Variants in FHIT observed in about 807,000 individuals in gnomAD.
The protein encoded by FHIT is fragile histidine triad diadenosine triphosphatase.
A neutral mutation model predicts 17.9 loss-of-function variants in FHIT; 19 were observed. The ratio of observed to expected loss-of-function variants is 1.06; its 90% CI spans 0.74 to 1.56. FHIT has a LOEUF of 1.56. Ranked by LOEUF, FHIT falls within the 40% of genes most tolerant of loss-of-function variation. The pLI is 0.00. For synonymous variants in FHIT, 81 were observed against 69.7 expected (o/e 1.16, Z -0.81); for missense variants, 248 against 189.2 (o/e 1.31, Z -1.82).
At chr3:59,825,825 T>C (rs1186187030) in intron 8 of FHIT, among the ~76,000 whole-genome samples, 1 of 152,208 alleles carries the variant, frequency 6.6e-6, no homozygotes, top group African/African-American at 2.4e-5. Context: ...ACAGGCCATC[T>C]GAATTCACTG....
intron 7 of FHIT, among the ~76,000 whole-genome samples, chr3:59,991,537 G>A (rs967146904): frequency 6.6e-6 from 1 of 151,972 alleles, no homozygotes; most frequent in African/African-American, 2.4e-5. Flanking sequence ...ATCCCAAACA[G>A]ACAGATACAT....
intron 3 of FHIT, among the ~76,000 whole-genome samples, chr3:61,029,997 A>T (rs975275114): frequency 7.9e-5 from 12 of 152,186 alleles, no homozygotes; most frequent in East Asian, 1.9e-4. Context: ...TGAGACAGGG[A>T]CTCACTCTGT....
intron 4 of FHIT, among the ~76,000 whole-genome samples, chr3:60,563,526 G>T (rs1382506180): frequency 6.6e-6 from 1 of 152,202 alleles, no homozygotes; most frequent in African/African-American, 2.4e-5. Context: ...CAAAAGCTAG[G>T]CCTCTTGGGC....
At chr3:60,457,348 T>C (rs868440582) in intron 5 of FHIT, among the ~76,000 whole-genome samples, 51 of 152,160 alleles carry the variant, frequency 3.4e-4, no homozygotes, top group African/African-American at 1.0e-3. Flanking sequence ...CCCTATTTAA[T>C]AAATGGTGCT....
intron 7 of FHIT, among the ~76,000 whole-genome samples, chr3:60,000,239 G>C (rs933404836): frequency 6.6e-6 from 1 of 152,204 alleles, no homozygotes; most frequent in Non-Finnish European, 1.5e-5. Flanking sequence ...CTTAGGAAAG[G>C]ATTAATGAAA....
chr3:60,414,038 T>C (rs1702157695), intron 5 of FHIT, among the ~76,000 whole-genome samples: 1 of 152,074 alleles, frequency 6.6e-6, no homozygotes, highest in South Asian at 2.1e-4. Context: ...AGGAAATAAA[T>C]GAGGCACAAT....
At chr3:59,952,283 C>G (rs911996680) in intron 7 of FHIT, among the ~76,000 whole-genome samples, 1 of 152,160 alleles carries the variant, frequency 6.6e-6, no homozygotes, top group Admixed American at 6.5e-5. Context: ...ATAAGACCAC[C>G]CACACTGTGC....
intron 4 of FHIT, among the ~76,000 whole-genome samples, chr3:60,738,234 A>C (rs996217783): frequency 6.6e-6 from 1 of 152,232 alleles, no homozygotes; most frequent in Non-Finnish European, 1.5e-5. Context: ...CTGTGCGAAC[A>C]TGATAATTCT....
At chr3:60,430,727 T>G (rs1389825973) in intron 5 of FHIT, among the ~76,000 whole-genome samples, 1 of 152,110 alleles carries the variant, frequency 6.6e-6, no homozygotes, top group East Asian at 1.9e-4. Flanking sequence ...TCTTGATGAC[T>G]CTAAGCTTTT....
intron 4 of FHIT, among the ~76,000 whole-genome samples, chr3:60,788,682 T>C (rs1700667562): frequency 6.6e-6 from 1 of 152,138 alleles, no homozygotes; most frequent in Non-Finnish European, 1.5e-5. Context: ...CAGTATAGCC[T>C]AAGTGAATAT....
At chr3:61,063,621 G>T (rs1463590482) in intron 2 of FHIT, among the ~76,000 whole-genome samples, 6 of 152,096 alleles carry the variant, frequency 3.9e-5, no homozygotes, top group African/African-American at 1.4e-4. Flanking sequence ...CTAGACCAAG[G>T]TTCACAAACA....
chr3:59,814,575 C>A (rs1038586776), intron 8 of FHIT, among the ~76,000 whole-genome samples: 2 of 152,152 alleles, frequency 1.3e-5, no homozygotes, highest in East Asian at 1.9e-4. Flanking sequence ...ATTTGAGACC[C>A]TTTATAATTA....
chr3:60,068,797 G>A (rs1038452239), intron 5 of FHIT, among the ~76,000 whole-genome samples: 24 of 152,130 alleles, frequency 1.6e-4, no homozygotes, highest in East Asian at 1.9e-4. Context: ...AAGAAACAAG[G>A]CAATGATTGA....
At chr3:60,849,012 T>G (rs1453274271) in intron 3 of FHIT, among the ~76,000 whole-genome samples, 1 of 152,156 alleles carries the variant, frequency 6.6e-6, no homozygotes, top group Non-Finnish European at 1.5e-5. Context: ...GAGCCTCTAT[T>G]TCAGAAAATA....
chr3:60,178,108 T>C (rs1701763483), intron 5 of FHIT, among the ~76,000 whole-genome samples: 1 of 152,206 alleles, frequency 6.6e-6, no homozygotes, highest in South Asian at 2.1e-4. Flanking sequence ...AAGAAATTTC[T>C]GTTCAGGAGG....
chr3:60,565,290 T>C (rs566409690), intron 4 of FHIT, among the ~76,000 whole-genome samples: 2 of 152,198 alleles, frequency 1.3e-5, no homozygotes, highest in African/African-American at 2.4e-5. Context: ...ACCCATAATA[T>C]CTTTGAGGTA....
intron 8 of FHIT, among the ~76,000 whole-genome samples, chr3:59,754,921 GTAAT>G (rs1265009094): frequency 3.3e-5 from 5 of 152,032 alleles, no homozygotes; most frequent in Non-Finnish European, 7.4e-5. Context: ...GTTGCCCACT[GTAAT>G]CATCTAGGAA....
intron 5 of FHIT, among the ~76,000 whole-genome samples, chr3:60,420,245 A>G (rs1408487193): frequency 3.3e-5 from 5 of 152,170 alleles, no homozygotes; most frequent in Non-Finnish European, 7.4e-5. Flanking sequence ...ACAATATATC[A>G]TGTGCAATCA....
At chr3:59,756,820 G>A (rs142883104) in intron 8 of FHIT, among the ~76,000 whole-genome samples, 5 of 152,226 alleles carry the variant, frequency 3.3e-5, no homozygotes, top group African/African-American at 4.8e-5. Flanking sequence ...CTTATTGCAC[G>A]GAATGCAGTG....
Sources: allele counts gnomAD v4.1 joint callset (sites outside exome capture counted in the v4.1 genomes callset), GRCh38; gene constraint gnomAD v4.1.1; transcripts MANE v1.5; gene names NCBI Gene and HGNC (gene_info 2026-07-23, HGNC 2026-07-21).